The following PJVK variants were observed in gnomAD, a reference collection of about 807,000 sequenced individuals.
PJVK encodes autosomal recessive deafness type 59 protein.
Under a neutral mutation model 37.6 loss-of-function variants are expected in PJVK, and 33 were observed. That is an observed-to-expected ratio of 0.88 (90% CI 0.67 to 1.17). PJVK has a LOEUF of 1.17. PJVK is among the 50% of genes most tolerant of loss of function. The pLI, the probability that PJVK is intolerant of heterozygous loss-of-function variation, is 0.00. For missense variants in PJVK, 410 were observed against 413.8 expected (o/e 0.99, Z 0.08); for synonymous variants, 141 against 143.5 (o/e 0.98, Z 0.13).
chr2:178,452,377 A>C, intron 1 of PJVK: 1 of 983,894 alleles, frequency 1.0e-6, no homozygotes, highest in Non-Finnish European at 1.2e-6. Flanking sequence ...AGATGTTCAG[A>C]ATCTAATCAA....
chr2:178,452,440 A>G (rs1323851408), intron 1 of PJVK: 73 of 985,232 alleles, frequency 7.4e-5, no homozygotes, highest in Middle Eastern at 5.2e-4. Flanking sequence ...CTCTCCGTCT[A>G]TATATGTATG....
chr2:178,456,266 C>G, intron 4 of PJVK, 115 bp downstream of exon 4: 1 of 1,361,364 alleles, frequency 7.3e-7, no homozygotes, highest in Non-Finnish European at 1.0e-6. Context: ...GATGAAAGAG[C>G]TGCAGTTGTA....
intron 1 of PJVK, 22 bp downstream of exon 1, chr2:178,451,791 A>G (rs1288721746): frequency 8.3e-5 from 82 of 985,162 alleles, no homozygotes; most frequent in Non-Finnish European, 9.6e-5. Context: ...CCAGCAAAAC[A>G]CGTTAGGAGT....
At chr2:178,453,644 C>A in intron 2 of PJVK, 24 bp downstream of exon 2, 1 of 1,578,196 alleles carries the variant, frequency 6.3e-7, no homozygotes, top group Non-Finnish European at 8.7e-7. Context: ...TTTGGGAGTG[C>A]CAACTCATTC....
At chr2:178,458,658 G>T in intron 5 of PJVK, 31 bp downstream of exon 5, 1 of 1,504,752 alleles carries the variant, frequency 6.6e-7, no homozygotes, top group Non-Finnish European at 9.3e-7. Context: ...AAATACAAAT[G>T]ATTATATTTT....
intron 1 of PJVK, chr2:178,452,583 T>C (rs1220534162): frequency 6.1e-6 from 6 of 985,424 alleles, no homozygotes; most frequent in Middle Eastern, 5.2e-4. Context: ...AAATTCATTT[T>C]TTGCCACAAA....
intron 2 of PJVK, chr2:178,453,826 CA>C: frequency 2.0e-6 from 1 of 504,168 alleles, no homozygotes; most frequent in Non-Finnish European, 3.7e-6. Flanking sequence ...AAATAATTTT[CA>C]AATCTATCAA....
Position 178,460,926 on chromosome 2 carries a change from T to G in PJVK, c.767-56T>G, listed in dbSNP as rs1464798793. On this transcript the variant is annotated intron_variant, in intron 6 of 6. Transcript: ENST00000644580. ...ACATATTTATTAATGCTGTTTGCAT[T>G]ATGTATTTTTCATTTTCACTTCTAA... 9.9e-6 allele frequency: 15 copies of G among 1,518,252 alleles called. No homozygotes were observed. In the East Asian group the frequency reaches 3.4e-4, roughly 34 times the overall value. The allele number at this position is 1,518,252 out of a possible 1,614,324, so 94.0% of individuals were successfully genotyped here.
At chr2:178,454,026 TAAG>T (rs2154125901) in intron 2 of PJVK, 1 of 323,264 alleles carries the variant, frequency 3.1e-6, no homozygotes, top group Non-Finnish European at 6.1e-6. Context: ...GGTTATATAA[TAAG>T]CTGATATTTT....
chr2:178,459,292 C>T lies in PJVK; in HGVS notation c.667+665C>T, dbSNP rs1214768419. 2.8e-5 allele frequency: 13 copies of T among 461,120 alleles called. No homozygotes were observed. The Admixed American group carries it at 3.2e-4, about 11-fold the overall frequency. The allele number at this position is 461,120 out of a possible 1,614,324, so 28.6% of individuals were successfully genotyped here. ...ATGGTAATTTACAAATGTTTTTAGA[C>T]CTGTTCTTGTTCATTTCTGCAATTT... On this transcript the variant is annotated intron_variant, in intron 5 of 6. Transcript: ENST00000644580.
At chr2:178,452,472 C>G in intron 1 of PJVK, 1 of 985,244 alleles carries the variant, frequency 1.0e-6, no homozygotes, top group East Asian at 1.1e-4. Flanking sequence ...CTATCCATCA[C>G]TGTTTTAATG....
chr2:178,456,710 T>C (rs564026835), intron 4 of PJVK, among the ~76,000 whole-genome samples: 2 of 152,106 alleles, frequency 1.3e-5, no homozygotes, highest in East Asian at 3.9e-4. Context: ...GAGGTTGCAG[T>C]GAGCCGAGAT....
At chr2:178,460,040 T>C (rs1023794265) in intron 5 of PJVK, 2 of 321,560 alleles carry the variant, frequency 6.2e-6, no homozygotes, top group Non-Finnish European at 1.2e-5. Context: ...TATGCATCTT[T>C]CTTTATGCTT....
In PJVK at chr2:178,454,356, A is replaced by C; in HGVS notation, c.236A>C (p.Asn79Thr). ...SAGISSYQLL[N>T]YEDESDVSLY... is the part of the protein sequence containing the mutation. ...GGTATTTCATCTTATCAATTACTGA[A>C]TTATGAAGATGAATCAGATGTTTCA... is the stretch of plus-strand genomic sequence containing the variant. Residue 79 changes from asparagine (N) to threonine (T), a missense_variant, in exon 3 of 7, where the codon AAT (asparagine) becomes ACT (threonine). Transcript: ENST00000644580. The C allele has an allele frequency of 6.2e-7, 1 of 1,613,510 alleles. No homozygotes were observed. The highest frequency in any genetic ancestry group is 8.5e-7 in the Non-Finnish European group (1 of 1,179,794).
rs1400085869 is a variant in PJVK at position 178,460,425 on chromosome 2, A to C, written c.745A>C (p.Arg249=). 1 of 1,613,930 alleles carries C rather than the reference A, an allele frequency of 6.2e-7. No individual in the cohort carries two copies. Among genetic ancestry groups the C allele is most frequent in the East Asian group, 2.2e-5 (1 of 44,866 alleles). ...AACATTTGCACTGCTGTACAGGTTG[A>C]GAAATATCCTATTTGAAAGAAGTAT... ...TATFALLYRL[R]NILFERNRRV... The change falls in exon 6 of 7, where the codon AGA becomes CGA. Residue 249 remains arginine (R), a synonymous_variant. Transcript: ENST00000644580.
At position 178,455,432 on chromosome 2, in the gene PJVK, CT is replaced by C. The variant is rs1315575650; in HGVS notation, c.408-577del. 9 of 1,367,256 alleles carry C rather than the reference CT, an allele frequency of 6.6e-6. No homozygotes were observed. In the Admixed American group the frequency reaches 1.5e-4, roughly 23 times the overall value. The allele number at this position is 1,367,256 out of a possible 1,614,324, so 84.7% of individuals were successfully genotyped here. ...TTCCAAGGCTAAATTCAACTAGCCC[CT>C]GTTTTTCCCTCCCTGAACTCTTGGG... On this transcript the variant is annotated intron_variant, in intron 3 of 6. Transcript: ENST00000644580.
chr2:178,460,905 A>G, intron 6 of PJVK, 77 bp from the exon 7 acceptor site: 1 of 1,136,922 alleles, frequency 8.8e-7, no homozygotes, highest in Non-Finnish European at 1.3e-6. Context: ...GGATTCACAT[A>G]TTTATTAATG....
chr2:178,454,406 A>T lies in PJVK; in HGVS notation c.286A>T (p.Ile96Phe). ...VSLYGRRGNH[I>F]VNDVGINVAG... ...ACTCTATGGAAGGCGAGGTAACCATATTGTAAATGACGTTGGGATTAACGT... is the reference window on the plus strand; with the variant it reads ...ACTCTATGGAAGGCGAGGTAACCATTTTGTAAATGACGTTGGGATTAACGT... Residue 96 changes from isoleucine to phenylalanine, a missense_variant, in exon 3 of 7, where the codon ATT becomes TTT. Transcript: ENST00000644580. 6.2e-7 allele frequency: 1 copy of T among 1,614,004 alleles called. No homozygotes were observed. The highest frequency in any genetic ancestry group is 8.5e-7 in the Non-Finnish European group (1 of 1,179,956).
At chr2:178,455,034 G>T (rs2154125979) in intron 3 of PJVK, 2 of 1,165,170 alleles carry the variant, frequency 1.7e-6, no homozygotes, top group South Asian at 2.4e-5. Flanking sequence ...CGTGGTGGTG[G>T]CATCCAACGG....
Sources: gnomAD v4.1 joint callset for allele counts (sites outside exome capture counted in the v4.1 genomes callset) on GRCh38, gnomAD v4.1.1 for gene constraint, MANE v1.5 for transcripts, NCBI Gene and HGNC (gene_info 2026-07-23, HGNC 2026-07-21) for gene names.